Variants in GADL1 observed in about 807,000 individuals in gnomAD.
The protein encoded by GADL1 is acidic amino acid decarboxylase GADL1.
Under a neutral mutation model 69.5 loss-of-function variants are expected in GADL1, and 71 were observed. That is an observed-to-expected ratio of 1.02 (90% CI 0.84 to 1.25). GADL1 has a LOEUF of 1.25. Ranked by LOEUF, GADL1 falls within the 50% of genes most tolerant of loss-of-function variation. GADL1 has a pLI of 0.00. For synonymous variants in GADL1, 254 were observed against 214.4 expected, an observed-to-expected ratio of 1.18 and a Z score of -1.62; for missense variants, 737 against 631.8, an observed-to-expected ratio of 1.17 and a Z score of -1.79.
At chr3:30,757,203 C>CT (rs1253334465) in intron 14 of GADL1, among the ~76,000 whole-genome samples, 5 of 152,124 alleles carry the variant, frequency 3.3e-5, no homozygotes, top group African/African-American at 1.2e-4. Flanking sequence ...AAATGGCCTC[C>CT]TGGACCTTCA....
chr3:30,872,687 C>T (rs1293852231), intron 1 of GADL1, among the ~76,000 whole-genome samples: 4 of 151,862 alleles, frequency 2.6e-5, no homozygotes, highest in African/African-American at 9.7e-5. Context: ...TCTCAAGTCA[C>T]CTTGGTTCCT....
chr3:30,859,733 G>C (rs567427859), intron 2 of GADL1, among the ~76,000 whole-genome samples: 4 of 151,894 alleles, frequency 2.6e-5, no homozygotes, highest in Non-Finnish European at 2.9e-5. Context: ...ACTGCACCAA[G>C]CTTGGGTATA....
At chr3:30,802,040 T>A (rs1697176250) in intron 11 of GADL1, among the ~76,000 whole-genome samples, 3 of 152,212 alleles carry the variant, frequency 2.0e-5, no homozygotes, top group Admixed American at 2.0e-4. Flanking sequence ...AGTCTACTTA[T>A]AAGCTGCGAA....
chr3:30,758,515 T>C (rs765145851), intron 14 of GADL1, among the ~76,000 whole-genome samples: 1 of 150,460 alleles, frequency 6.6e-6, no homozygotes, highest in Admixed American at 6.6e-5. Flanking sequence ...AAACATGAGA[T>C]GGTAACTACC....
At chr3:30,863,984 A>G (rs1347241564) in intron 1 of GADL1, among the ~76,000 whole-genome samples, 2 of 152,068 alleles carry the variant, frequency 1.3e-5, no homozygotes, top group Non-Finnish European at 2.9e-5. Context: ...CCTCTCACTG[A>G]AAAAGAAGCC....
chr3:30,824,177 T>C (rs774606326), intron 11 of GADL1, among the ~76,000 whole-genome samples: 1 of 151,624 alleles, frequency 6.6e-6, no homozygotes, highest in Non-Finnish European at 1.5e-5. Flanking sequence ...TTTTAAAGCT[T>C]GAAAATTTTA....
intron 14 of GADL1, among the ~76,000 whole-genome samples, chr3:30,766,331 C>T (rs1696275395): frequency 6.6e-6 from 1 of 152,178 alleles, no homozygotes; most frequent in Admixed American, 6.5e-5. Flanking sequence ...AGATGTGCAA[C>T]CAGCACAGTC....
intron 11 of GADL1, among the ~76,000 whole-genome samples, chr3:30,824,032 G>C (rs530410023): frequency 6.6e-6 from 1 of 151,878 alleles, no homozygotes; most frequent in South Asian, 2.1e-4. Flanking sequence ...TGCCAGAAAA[G>C]GAGAGAGAAA....
intron 12 of GADL1, among the ~76,000 whole-genome samples, chr3:30,794,634 C>G (rs937009071): frequency 2.0e-5 from 3 of 152,106 alleles, no homozygotes; most frequent in Non-Finnish European, 1.5e-5. Context: ...GAAATGTTCT[C>G]TCTTCAATTG....
chr3:30,834,876 C>G (rs927156342), intron 9 of GADL1, among the ~76,000 whole-genome samples: 7 of 152,058 alleles, frequency 4.6e-5, no homozygotes, highest in African/African-American at 1.7e-4. Context: ...GAGAGGGGAG[C>G]TCAGATAAAA....
intron 8 of GADL1, among the ~76,000 whole-genome samples, chr3:30,843,820 A>AT (rs1056823081): frequency 1.3e-5 from 2 of 152,180 alleles, no homozygotes; most frequent in Non-Finnish European, 2.9e-5. Flanking sequence ...CCCAGAGAAA[A>AT]TTGGTTTGTC....
At chr3:30,829,274 G>A (rs946855846) in intron 11 of GADL1, among the ~76,000 whole-genome samples, 2 of 151,774 alleles carry the variant, frequency 1.3e-5, no homozygotes, top group Admixed American at 6.6e-5. Flanking sequence ...GTACAACTTT[G>A]AGAGCATCAG....
At chr3:30,800,676 C>G (rs939887457) in intron 12 of GADL1, 6 of 572,024 alleles carry the variant, frequency 1.0e-5, no homozygotes, top group Non-Finnish European at 1.9e-5. Flanking sequence ...CTGCTCTGTT[C>G]ATAATTCCTA....
At chr3:30,842,873 T>C (rs1697991702) in intron 8 of GADL1, among the ~76,000 whole-genome samples, 1 of 139,672 alleles carries the variant, frequency 7.2e-6, no homozygotes, top group Admixed American at 7.3e-5. Flanking sequence ...TCAATACATC[T>C]GCAATAATGG....
At chr3:30,803,209 C>A (rs1697195278) in intron 11 of GADL1, among the ~76,000 whole-genome samples, 1 of 152,054 alleles carries the variant, frequency 6.6e-6, no homozygotes, top group South Asian at 2.1e-4. Context: ...AGAAAAATCC[C>A]TTACTTTTAA....
At chr3:30,824,348 A>G (rs1377659146) in intron 11 of GADL1, among the ~76,000 whole-genome samples, 1 of 150,740 alleles carries the variant, frequency 6.6e-6, no homozygotes, top group Non-Finnish European at 1.5e-5. Flanking sequence ...CAATCTTAAC[A>G]CCAGCAAAAA....
chr3:30,756,687 A>AG (rs796197925), intron 14 of GADL1, among the ~76,000 whole-genome samples: 5 of 152,308 alleles, frequency 3.3e-5, no homozygotes, highest in African/African-American at 9.6e-5. Context: ...CTGATTGGGA[A>AG]GTAGAGATCA....
At chr3:30,736,162 C>T (rs1225493463) in intron 14 of GADL1, among the ~76,000 whole-genome samples, 1 of 152,032 alleles carries the variant, frequency 6.6e-6, no homozygotes, top group Non-Finnish European at 1.5e-5. Context: ...GCTCAGGAGA[C>T]ACCCATTTTA....
chr3:30,788,732 T>C (rs1452394508), intron 12 of GADL1, among the ~76,000 whole-genome samples: 1 of 152,178 alleles, frequency 6.6e-6, no homozygotes. Context: ...TCTATATCCT[T>C]TGTTATCCTT....
Sources: allele counts gnomAD v4.1 joint callset (sites outside exome capture counted in the v4.1 genomes callset), GRCh38; gene constraint gnomAD v4.1.1; transcripts MANE v1.5; gene names NCBI Gene and HGNC (gene_info 2026-07-23, HGNC 2026-07-21).